The following CCSER1 variants were observed in gnomAD, a reference collection of about 807,000 sequenced individuals.
CCSER1 encodes serine-rich coiled-coil domain-containing protein 1.
In CCSER1, 41 loss-of-function variants were observed where a neutral mutation model predicts 82.0. The observed-to-expected ratio is 0.50, with a 90% CI of 0.39 to 0.65. The LOEUF (loss-of-function observed/expected upper bound fraction) is 0.65, where lower values mean the gene tolerates loss of function less well. Among genes scored for constraint, CCSER1 ranks in the 30% least tolerant of loss-of-function variants. The probability of loss-of-function intolerance (pLI) is 0.00; values close to 1 mark genes in which losing one functional copy is unlikely to be tolerated. For synonymous variants in CCSER1, 414 were observed against 383.9 expected, an observed-to-expected ratio of 1.08 and a Z score of -0.92; for missense variants, 1,119 against 1,064.2, an observed-to-expected ratio of 1.05 and a Z score of -0.72.
At chr4:90,448,067 A>G (rs1248774085) in intron 4 of CCSER1, among the ~76,000 whole-genome samples, 1 of 152,092 alleles carries the variant, frequency 6.6e-6, no homozygotes, top group East Asian at 1.9e-4. Context: ...GGCATTGTTT[A>G]TTGCTTATGT....
Position 91,374,197 on chromosome 4 carries a change from G to A in CCSER1, c.2218-224375G>A, listed in dbSNP as rs75560441. On this transcript the variant is annotated intron_variant, in intron 10 of 10. Coordinates refer to ENST00000509176, the MANE Select transcript of CCSER1 (RefSeq NM_001145065.2). Reference sequence around the variant, plus strand: ...TAAGATTATTTTGATGAAGGTGGCCGCATTTCAAATAGCATATTTACAATG... The same window carrying A: ...TAAGATTATTTTGATGAAGGTGGCCACATTTCAAATAGCATATTTACAATG... Among the ~76,000 whole-genome samples, 852 of 152,196 alleles carry A rather than the reference G, an allele frequency of 5.6e-3. 8 individuals carry two copies. Among genetic ancestry groups the A allele is most frequent in the African/African-American group, 0.02 (816 of 41,536 alleles).
At chr4:91,173,824 G>A (rs1486629644) in intron 10 of CCSER1, among the ~76,000 whole-genome samples, 1 of 152,008 alleles carries the variant, frequency 6.6e-6, no homozygotes, top group South Asian at 2.1e-4. Flanking sequence ...ACAAATGGGA[G>A]AAAATAACCC....
intron 10 of CCSER1, among the ~76,000 whole-genome samples, chr4:91,576,906 T>A (rs1380248218): frequency 6.6e-6 from 1 of 152,002 alleles, no homozygotes; most frequent in Non-Finnish European, 1.5e-5. Context: ...ATGGATATAA[T>A]CATTGATTGC....
At chr4:90,847,674 CAA>C (rs933144913) in intron 8 of CCSER1, among the ~76,000 whole-genome samples, 3 of 151,910 alleles carry the variant, frequency 2.0e-5, no homozygotes, top group Non-Finnish European at 2.9e-5. Flanking sequence ...CTTTAAAAAA[CAA>C]GAGAAAAAAA....
intron 1 of CCSER1, among the ~76,000 whole-genome samples, chr4:90,276,017 A>G (rs556272361): frequency 6.6e-6 from 1 of 152,276 alleles, no homozygotes; most frequent in African/African-American, 2.4e-5. Context: ...ATCTCCCATG[A>G]GTGGTCTTTA....
intron 10 of CCSER1, among the ~76,000 whole-genome samples, chr4:91,251,143 A>G (rs1185926773): frequency 6.6e-6 from 1 of 152,156 alleles, no homozygotes; most frequent in African/African-American, 2.4e-5. Flanking sequence ...AACAAATACC[A>G]TAGACTAGGT....
At chr4:90,532,151 C>T (rs758472964) in intron 5 of CCSER1, among the ~76,000 whole-genome samples, 2 of 151,942 alleles carry the variant, frequency 1.3e-5, no homozygotes, top group Non-Finnish European at 2.9e-5. Flanking sequence ...CTTATATGAC[C>T]ACATAGCCTA....
intron 3 of CCSER1, among the ~76,000 whole-genome samples, chr4:90,386,425 C>T (rs940571042): frequency 2.6e-5 from 4 of 151,080 alleles, no homozygotes; most frequent in Non-Finnish European, 2.9e-5. Context: ...GTAAATGGTG[C>T]TGGGACAATT....
At chr4:90,999,288 G>T (rs1903500) in intron 9 of CCSER1, among the ~76,000 whole-genome samples, 61,152 of 151,890 alleles carry the variant, frequency 0.4, 12,372 homozygotes, top group East Asian at 0.47. Flanking sequence ...CTATTTTAAG[G>T]TCTTTGAGAA....
At chr4:90,241,419 G>A (rs1746809644) in intron 1 of CCSER1, among the ~76,000 whole-genome samples, 1 of 152,112 alleles carries the variant, frequency 6.6e-6, no homozygotes, top group Non-Finnish European at 1.5e-5. Context: ...GATAATGGTG[G>A]TTTATTATGA....
At chr4:91,146,696 G>A (rs1367319622) in intron 10 of CCSER1, among the ~76,000 whole-genome samples, 2 of 150,992 alleles carry the variant, frequency 1.3e-5, no homozygotes, top group African/African-American at 4.9e-5. Context: ...TTATTTCTTC[G>A]AGCTTTCAGA....
At chr4:91,451,676 A>G (rs1300990273) in intron 10 of CCSER1, among the ~76,000 whole-genome samples, 4 of 152,168 alleles carry the variant, frequency 2.6e-5, no homozygotes, top group Admixed American at 1.3e-4. Flanking sequence ...TGCATGTAAC[A>G]TACAATATGC....
At chr4:90,510,474 C>T (rs546398428) in intron 5 of CCSER1, among the ~76,000 whole-genome samples, 1 of 152,288 alleles carries the variant, frequency 6.6e-6, no homozygotes, top group Non-Finnish European at 1.5e-5. Flanking sequence ...ACCCTTGGAA[C>T]ATACATTTCA....
chr4:90,446,342 A>G, intron 4 of CCSER1, among the ~76,000 whole-genome samples: 1 of 152,218 alleles, frequency 6.6e-6, no homozygotes, highest in East Asian at 1.9e-4. Context: ...TATGTAGATT[A>G]TATGACTGTT....
At chr4:90,995,164 T>G (rs1737384598) in intron 9 of CCSER1, among the ~76,000 whole-genome samples, 1 of 152,174 alleles carries the variant, frequency 6.6e-6, no homozygotes, top group Non-Finnish European at 1.5e-5. Flanking sequence ...ACTAATTAAG[T>G]AAGTTCTTCA....
At position 90,227,658 on chromosome 4, in the gene CCSER1, C is replaced by T. The variant is rs147573121; in HGVS notation, c.-41-80586C>T. 5.4e-3 allele frequency among the ~76,000 whole-genome samples: 824 copies of T among 152,268 alleles called. 5 individuals are homozygous for T. The highest frequency in any genetic ancestry group is 0.019 in the African/African-American group (792 of 41,532). On this transcript the variant is annotated intron_variant, in intron 1 of 10. Coordinates refer to ENST00000509176, the MANE Select transcript of CCSER1 (RefSeq NM_001145065.2). ...TAGGAACAGCTCTGGTCTACAGCTCCCAGCGTGAGCGACGCAGAAGATGGG... is the reference window on the plus strand; with the variant it reads ...TAGGAACAGCTCTGGTCTACAGCTCTCAGCGTGAGCGACGCAGAAGATGGG...
chr4:90,174,558 G>C (rs771014214), intron 1 of CCSER1, among the ~76,000 whole-genome samples: 1 of 151,962 alleles, frequency 6.6e-6, no homozygotes, highest in Non-Finnish European at 1.5e-5. Context: ...TGGATTCTCT[G>C]TAATGAGGAG....
At chr4:90,524,819 C>T (rs912439145) in intron 5 of CCSER1, among the ~76,000 whole-genome samples, 1 of 151,966 alleles carries the variant, frequency 6.6e-6, no homozygotes, top group African/African-American at 2.4e-5. Context: ...CATTTGTCCT[C>T]GCATGCTCTT....
intron 10 of CCSER1, among the ~76,000 whole-genome samples, chr4:91,301,878 C>T (rs1744696094): frequency 6.6e-6 from 1 of 151,922 alleles, no homozygotes; most frequent in Non-Finnish European, 1.5e-5. Flanking sequence ...CCACTTTCTT[C>T]TCATTGATTT....
Sources: gnomAD v4.1 joint callset for allele counts (sites outside exome capture counted in the v4.1 genomes callset) on GRCh38, gnomAD v4.1.1 for gene constraint, MANE v1.5 for transcripts, NCBI Gene and HGNC (gene_info 2026-07-23, HGNC 2026-07-21) for gene names.